Variants in ATXN7L1 observed in about 807,000 individuals in gnomAD.
ATXN7L1 encodes ataxin-7-like protein 1.
Under a neutral mutation model 70.8 loss-of-function variants are expected in ATXN7L1, and 15 were observed. That is an observed-to-expected ratio of 0.21 (90% CI 0.14 to 0.33). The LOEUF (loss-of-function observed/expected upper bound fraction) is 0.33. Ranked by LOEUF, ATXN7L1 falls within the 10% of genes least tolerant of loss-of-function variation. The pLI is 1.00. For synonymous variants in ATXN7L1, 440 were observed against 445.1 expected (o/e 0.99, Z 0.14); for missense variants, 975 against 1,097.1 (o/e 0.89, Z 1.57).
At chr7:105,780,215 C>T (rs149632728) in intron 3 of ATXN7L1, among the ~76,000 whole-genome samples, 105 of 152,270 alleles carry the variant, frequency 6.9e-4, no homozygotes, top group African/African-American at 2.5e-3. Flanking sequence ...ATGATTTAGG[C>T]TCCCATGTGT....
At position 105,614,518 on chromosome 7, in the gene ATXN7L1, G is replaced by C. The variant is rs1562890083; in HGVS notation, c.1816C>G (p.Pro606Ala). 1 of 1,533,836 alleles carries C rather than the reference G, an allele frequency of 6.5e-7. No homozygotes were observed. The highest frequency in any genetic ancestry group is 2.0e-5 in the Admixed American group (1 of 49,884). ...STFKAPSAVS[P>A]IPAVIPSPSH... ...GGGGAAGGGATGACGGCTGGTATCG[G>C]GGACACGGCGGATGGGGCCTTGAAG... The change falls in exon 10 of 12, where the codon CCG (proline) becomes GCG (alanine). Residue 606 changes from proline (P) to alanine (A), a missense_variant. This residue lies in a region of ATXN7L1 where 635 missense variants were observed against 699.4 expected (regional missense o/e 0.91). Transcript: ENST00000419735. The surrounding 1 kb of genome is among the most constrained non-coding windows in gnomAD (Gnocchi z 4.3).
intron 3 of ATXN7L1, among the ~76,000 whole-genome samples, chr7:105,741,573 G>C (rs533398144): frequency 2.0e-5 from 3 of 152,170 alleles, no homozygotes; most frequent in Admixed American, 6.5e-5. Flanking sequence ...GGAAGAGAGG[G>C]GTGATGGATC....
intron 2 of ATXN7L1, among the ~76,000 whole-genome samples, chr7:105,794,564 A>G (rs190088556): frequency 6.6e-6 from 1 of 152,374 alleles, no homozygotes; most frequent in Non-Finnish European, 1.5e-5. Flanking sequence ...CCAGCTATAA[A>G]ATGGAAAATT....
intron 9 of ATXN7L1, chr7:105,618,074 G>A (rs907330364): frequency 1.1e-5 from 5 of 456,560 alleles, no homozygotes; most frequent in Non-Finnish European, 2.2e-5. Flanking sequence ...GGGACCTGAT[G>A]CCCTGTGGCT....
intron 3 of ATXN7L1, among the ~76,000 whole-genome samples, chr7:105,722,383 GA>G (rs1370328037): frequency 1.3e-5 from 2 of 151,900 alleles, no homozygotes; most frequent in East Asian, 3.9e-4. Flanking sequence ...CCAACATGAT[GA>G]AACTCTGTCT....
chr7:105,661,504 G>C (rs1325704398), intron 4 of ATXN7L1, among the ~76,000 whole-genome samples: 6 of 152,146 alleles, frequency 3.9e-5, no homozygotes, highest in African/African-American at 1.4e-4. Context: ...AAATATTCAG[G>C]CTTGAAAATG....
chr7:105,614,081 C>G lies in ATXN7L1; in HGVS notation c.2253G>C (p.Ala751=), dbSNP rs916526010. The stretch of plus-strand genomic sequence containing the variant: ...CCAGAGAGAGGTCCCCTGCGTGGAG[C>G]GCAAGGGAGGGCACAGAGAGGGGAC... ...DSCPLSVPSL[A]LHAGDLSLAS... is the part of the protein sequence containing the mutation. Residue 751 remains alanine (A), a synonymous_variant, in exon 10 of 12, where the codon GCG becomes GCC. Transcript: ENST00000419735. The surrounding 1 kb of genome is among the most constrained non-coding windows in gnomAD (Gnocchi z 4.3). 4 of 1,551,612 alleles carry G rather than the reference C, an allele frequency of 2.6e-6. No homozygotes were observed. The African/African-American group carries it at 4.1e-5, about 16-fold the overall frequency.
chr7:105,829,501 CAGAG>C (rs1173357884), intron 2 of ATXN7L1, among the ~76,000 whole-genome samples: 1 of 152,026 alleles, frequency 6.6e-6, no homozygotes, highest in Non-Finnish European at 1.5e-5. Context: ...ATTTCCCACT[CAGAG>C]AGAAAGCTCC....
At chr7:105,832,156 C>T (rs866349483) in intron 2 of ATXN7L1, among the ~76,000 whole-genome samples, 3 of 152,054 alleles carry the variant, frequency 2.0e-5, no homozygotes, top group Non-Finnish European at 4.4e-5. Flanking sequence ...TAATATAAAG[C>T]TTTTAAGAAT....
At chr7:105,856,100 G>A (rs748477127) in intron 2 of ATXN7L1, among the ~76,000 whole-genome samples, 11 of 152,182 alleles carry the variant, frequency 7.2e-5, no homozygotes, top group Non-Finnish European at 1.5e-4. Context: ...ACAATCAAGT[G>A]AAGTTTTAAC....
At chr7:105,708,964 A>T (rs768094358) in intron 3 of ATXN7L1, among the ~76,000 whole-genome samples, 1 of 152,254 alleles carries the variant, frequency 6.6e-6, no homozygotes, top group Non-Finnish European at 1.5e-5. Context: ...TCAAACATCA[A>T]TGACTCCAGT....
Position 105,607,630 on chromosome 7 carries a change from C to A in ATXN7L1, c.*222G>T, listed in dbSNP as rs1027034970. On this transcript the variant is annotated 3_prime_UTR_variant, in exon 12 of 12. Coordinates refer to ENST00000419735, the MANE Select transcript of ATXN7L1 (RefSeq NM_020725.2). ...AAATGAAAGGAAAGACAGCGGAAAC[C>A]AAACACTGGAACTGTTTTCTGTAAA... The A allele has an allele frequency of 7.2e-6, 4 of 555,932 alleles. No individual in the cohort carries two copies. Among genetic ancestry groups the A allele is most frequent in the Non-Finnish European group, 1.3e-5 (4 of 311,804 alleles). The allele number at this position is 555,932 out of a possible 1,614,324, so 34.4% of individuals were successfully genotyped here. A position where few individuals can be genotyped will look rare whatever the true frequency, so the allele number is the denominator to read the frequency against.
intron 3 of ATXN7L1, among the ~76,000 whole-genome samples, chr7:105,674,238 A>C (rs1804253674): frequency 1.3e-5 from 2 of 152,148 alleles, no homozygotes; most frequent in South Asian, 4.1e-4. Flanking sequence ...TACACTGTTC[A>C]CACCAACACC....
chr7:105,631,902 C>T lies in ATXN7L1; in HGVS notation c.1202+6451G>A, dbSNP rs555767252. Among the ~76,000 whole-genome samples the T allele has an allele frequency of 1.3e-3, 201 of 152,314 alleles. 1 individual carries two copies. Among genetic ancestry groups the T allele is most frequent in the African/African-American group, 4.7e-3 (196 of 41,570 alleles). ...CACAGGGCTGGACACAGTGGAACTG[C>T]GGGCCATTTCTAGTCAGGGCTTCCA... is the stretch of plus-strand genomic sequence containing the variant. On this transcript the variant is annotated intron_variant, in intron 7 of 11. Coordinates refer to ENST00000419735, the MANE Select transcript of ATXN7L1 (RefSeq NM_020725.2).
chr7:105,664,497 TA>T (rs1802227247), intron 4 of ATXN7L1, among the ~76,000 whole-genome samples: 2 of 100,572 alleles, frequency 2.0e-5, no homozygotes, highest in Admixed American at 8.7e-5. Flanking sequence ...CATATATGTA[TA>T]ATATATGTAT....
intron 3 of ATXN7L1, among the ~76,000 whole-genome samples, chr7:105,786,110 A>C (rs1804257696): frequency 6.6e-6 from 1 of 152,206 alleles, no homozygotes. Context: ...ACACACCTAG[A>C]GCTGAGGGAG....
chr7:105,822,291 C>A (rs186773174), intron 2 of ATXN7L1, among the ~76,000 whole-genome samples: 61 of 152,294 alleles, frequency 4.0e-4, no homozygotes, highest in Admixed American at 1.3e-3. Flanking sequence ...TCCATAACAT[C>A]TATAGTGTGG....
chr7:105,817,898 C>G (rs1290016631), intron 2 of ATXN7L1, among the ~76,000 whole-genome samples: 2 of 152,154 alleles, frequency 1.3e-5, no homozygotes, highest in African/African-American at 4.8e-5. Flanking sequence ...GCATTCTAGC[C>G]TGGGCAACAG....
At chr7:105,856,803 ATG>A (rs139766738) in intron 2 of ATXN7L1, among the ~76,000 whole-genome samples, 172 of 149,086 alleles carry the variant, frequency 1.2e-3, no homozygotes, top group East Asian at 2.7e-3. Flanking sequence ...GTGTGTGTGT[ATG>A]TGTGTGTGTG....
Sources: gnomAD v4.1 joint callset for allele counts (sites outside exome capture counted in the v4.1 genomes callset) on GRCh38, gnomAD v4.1.1 for gene constraint, gnomAD v4.1.1 regional missense constraint, Gnocchi (gnomAD v3.1) non-coding constraint, MANE v1.5 for transcripts, NCBI Gene and HGNC (gene_info 2026-07-23, HGNC 2026-07-21) for gene names.